The following TMEM114 variants were observed in gnomAD, a reference collection of about 807,000 sequenced individuals.
TMEM114 encodes transmembrane protein 114, also known as claudin-26.
TMEM114 carries 6 observed loss-of-function variants against 6.2 expected under a neutral mutation model. The observed-to-expected ratio is 0.97, with a 90% CI of 0.53 to 1.91. The LOEUF is 1.91. TMEM114 is among the 40% of genes most tolerant of loss of function. TMEM114 has a pLI of 0.01. For synonymous variants in TMEM114, 104 were observed against 73.0 expected, an observed-to-expected ratio of 1.42 and a Z score of -2.16; for missense variants, 218 against 158.3, an observed-to-expected ratio of 1.38 and a Z score of -2.02.
intron 2 of TMEM114, among the ~76,000 whole-genome samples, chr16:8,558,217 C>T (rs1901077724): frequency 6.6e-6 from 1 of 152,160 alleles, no homozygotes; most frequent in African/African-American, 2.4e-5. Context: ...CACTTCACTC[C>T]AGCCTAGGCA....
intron 2 of TMEM114, among the ~76,000 whole-genome samples, chr16:8,551,596 G>C (rs1020165051): frequency 2.6e-5 from 4 of 152,322 alleles, no homozygotes; most frequent in Non-Finnish European, 5.9e-5. Context: ...AGTATCCTCA[G>C]ATTTAACCAT....
chr16:8,551,422 T>A (rs1489613453), intron 2 of TMEM114, among the ~76,000 whole-genome samples: 3 of 152,218 alleles, frequency 2.0e-5, no homozygotes, highest in African/African-American at 7.2e-5. Flanking sequence ...TACACTGTTA[T>A]AGTTAAAAAT....
chr16:8,584,182 C>G (rs79963565), intron 2 of TMEM114, among the ~76,000 whole-genome samples: 9,503 of 152,300 alleles, frequency 0.062, 399 homozygotes, highest in Middle Eastern at 0.12. Context: ...TTGAGTTTAA[C>G]AGTGGATTCC....
chr16:8,580,883 C>T (rs1384138372), intron 2 of TMEM114, among the ~76,000 whole-genome samples: 1 of 152,002 alleles, frequency 6.6e-6, no homozygotes, highest in South Asian at 2.1e-4. Context: ...GTAGAGACAG[C>T]GTTTCACCAT....
chr16:8,539,218 A>T (rs1433718150), intron 2 of TMEM114, among the ~76,000 whole-genome samples: 1 of 152,140 alleles, frequency 6.6e-6, no homozygotes, highest in Non-Finnish European at 1.5e-5. Flanking sequence ...TCCCTGGGCC[A>T]ACTGCCCTCA....
At chr16:8,578,728 C>T (rs1291975196) in intron 2 of TMEM114, among the ~76,000 whole-genome samples, 7 of 152,102 alleles carry the variant, frequency 4.6e-5, no homozygotes, top group African/African-American at 1.4e-4. Context: ...CCTGTAATCC[C>T]GGCACTTTGA....
At chr16:8,556,660 C>G (rs1349335938) in intron 2 of TMEM114, among the ~76,000 whole-genome samples, 1 of 152,050 alleles carries the variant, frequency 6.6e-6, no homozygotes, top group African/African-American at 2.4e-5. Flanking sequence ...CGCCATCACA[C>G]ATGGCTAATT....
At chr16:8,531,021 C>G in the TMEM114 span, among the ~76,000 whole-genome samples, 2 of 151,432 alleles carry the variant, frequency 1.3e-5, no homozygotes, top group African/African-American at 2.4e-5. Flanking sequence ...GAGACTCTGT[C>G]TCAAAAAACA....
chr16:8,569,405 C>A (rs906625008), downstream of TMEM114: 9 of 1,060,512 alleles, frequency 8.5e-6, no homozygotes, highest in African/African-American at 1.5e-4. Context: ...CTCTCCCTTT[C>A]CCAGACCCAC....
At chr16:8,557,632 G>C (rs1481746986) in intron 2 of TMEM114, among the ~76,000 whole-genome samples, 2 of 152,196 alleles carry the variant, frequency 1.3e-5, no homozygotes, top group Non-Finnish European at 2.9e-5. Flanking sequence ...GAACACAGGT[G>C]CTGGTCAGCA....
At chr16:8,583,519 A>C (rs1902221265) in intron 2 of TMEM114, among the ~76,000 whole-genome samples, 1 of 152,104 alleles carries the variant, frequency 6.6e-6, no homozygotes, top group Non-Finnish European at 1.5e-5. Flanking sequence ...CCAAGGCAGG[A>C]GGGTCGCTTG....
At chr16:8,541,671 A>G (rs1020931005) in intron 2 of TMEM114, among the ~76,000 whole-genome samples, 1 of 152,218 alleles carries the variant, frequency 6.6e-6, no homozygotes. Flanking sequence ...AAATGTGACA[A>G]ATGAGTGAGA....
the TMEM114 span, among the ~76,000 whole-genome samples, chr16:8,526,929 G>A: frequency 5.3e-5 from 8 of 152,176 alleles, no homozygotes; most frequent in East Asian, 1.9e-4. Flanking sequence ...CTGAGTAGGT[G>A]GGGCACGGTG....
the TMEM114 span, among the ~76,000 whole-genome samples, chr16:8,532,538 A>G: frequency 6.6e-6 from 1 of 152,292 alleles, no homozygotes; most frequent in African/African-American, 2.4e-5. Flanking sequence ...CTAAAATTAC[A>G]TTCTAGGGGT....
At chr16:8,530,999 A>G in the TMEM114 span, among the ~76,000 whole-genome samples, 39,755 of 151,910 alleles carry the variant, frequency 0.26, 5,892 homozygotes, top group African/African-American at 0.41. Flanking sequence ...ACTGCAGTCC[A>G]AGCAGCAGAG....
chr16:8,569,655 G>T lies in TMEM114; in HGVS notation c.*118C>A. On this transcript the variant is annotated 3_prime_UTR_variant, in exon 4 of 4. Coordinates refer to ENST00000620492, the MANE Select transcript of TMEM114 (RefSeq NM_001146336.2). ...CGCGGGGATTTGTGGGGGAAGGAGGGGGGTGCCTGGCCTCCCCGAGTGGCC... is the reference window on the plus strand; with the variant it reads ...CGCGGGGATTTGTGGGGGAAGGAGGTGGGTGCCTGGCCTCCCCGAGTGGCC... 3.5e-6 allele frequency: 5 copies of T among 1,441,492 alleles called. No individual in the cohort carries two copies. The highest frequency in any genetic ancestry group is 3.6e-6 in the Non-Finnish European group (4 of 1,101,502). The allele number at this position is 1,441,492 out of a possible 1,614,324, so 89.3% of individuals were successfully genotyped here. A position where few individuals can be genotyped will look rare whatever the true frequency, so the allele number is the denominator to read the frequency against.
intron 2 of TMEM114, among the ~76,000 whole-genome samples, chr16:8,539,114 G>C (rs777293986): frequency 6.6e-6 from 1 of 151,978 alleles, no homozygotes; most frequent in Non-Finnish European, 1.5e-5. Context: ...TTTTCAGTTT[G>C]GGTGTTCGGT....
At chr16:8,574,768 T>C (rs991946178) in intron 2 of TMEM114, among the ~76,000 whole-genome samples, 4 of 152,170 alleles carry the variant, frequency 2.6e-5, no homozygotes, top group African/African-American at 4.8e-5. Context: ...GGTGCAGCCA[T>C]GGCAGCCCCA....
intron 2 of TMEM114, among the ~76,000 whole-genome samples, chr16:8,543,255 T>C (rs73505722): frequency 0.015 from 2,235 of 152,268 alleles, 53 homozygotes; most frequent in African/African-American, 0.052. Context: ...TTTAAACACA[T>C]AATTTAGACT....
Sources: gnomAD v4.1 joint callset for allele counts (sites outside exome capture counted in the v4.1 genomes callset) on GRCh38, gnomAD v4.1.1 for gene constraint, MANE v1.5 for transcripts, NCBI Gene and HGNC (gene_info 2026-07-23, HGNC 2026-07-21) for gene names.